Variants in PRXL2A observed in about 807,000 individuals in gnomAD.
PRXL2A encodes the protein peroxiredoxin-like 2A.
PRXL2A carries 26 observed loss-of-function variants against 25.6 expected under a neutral mutation model. The ratio of observed to expected loss-of-function variants is 1.02; its 90% CI spans 0.74 to 1.41. The LOEUF is 1.41. Ranked by LOEUF, PRXL2A falls within the 40% of genes most tolerant of loss-of-function variation. The pLI, the probability that PRXL2A is intolerant of heterozygous loss-of-function variation, is 0.00. For missense variants in PRXL2A, 246 were observed against 273.9 expected (o/e 0.90, Z 0.72); for synonymous variants, 98 against 102.9 (o/e 0.95, Z 0.29).
In PRXL2A at chr10:80,425,922, C is replaced by T. The variant is rs767436522; in HGVS notation, c.327C>T (p.Leu109=). The T allele has an allele frequency of 6.2e-6, 10 of 1,614,248 alleles. No homozygotes were observed. In the South Asian group the frequency reaches 7.7e-5, roughly 12 times the overall value. Residue 109 remains leucine, a synonymous_variant, in exon 4 of 6, where the codon CTC becomes CTT. Coordinates refer to ENST00000606162, the MANE Select transcript of PRXL2A (RefSeq NM_032333.5). ...TGTTGGACCAGCTGGGCGTCCCCCT[C>T]TATGCAGTGGTAAAGGAGCACATCA... ...KSMLDQLGVP[L]YAVVKEHIRT...
chr10:80,410,619 A>G (rs1272871404), intron 1 of PRXL2A, among the ~76,000 whole-genome samples: 1 of 152,256 alleles, frequency 6.6e-6, no homozygotes, highest in Admixed American at 6.5e-5. Context: ...TGCTCTTCTT[A>G]TATAATCTTT....
At position 80,432,892 on chromosome 10, in the gene PRXL2A, A is replaced by G. The variant is rs890812575; in HGVS notation, c.*793A>G. 3.3e-5 allele frequency: 5 copies of G among 152,340 alleles called. No homozygotes were observed. The highest frequency in any genetic ancestry group is 7.3e-5 in the Non-Finnish European group (5 of 68,038). 9.4% of individuals were successfully genotyped at this position (152,340 alleles called of 1,614,324 possible). The stretch of plus-strand genomic sequence containing the variant: ...GGATAGTTTGACAAAGGTAAATTAT[A>G]AAGTGAAATCTCTTGTTTCATTATC... On this transcript the variant is annotated 3_prime_UTR_variant, in exon 6 of 6. Coordinates refer to ENST00000606162, the MANE Select transcript of PRXL2A (RefSeq NM_032333.5).
intron 1 of PRXL2A, chr10:80,413,678 A>T: frequency 5.6e-6 from 1 of 180,010 alleles, no homozygotes; most frequent in Non-Finnish European, 1.1e-5. Context: ...CTTTCCATTT[A>T]GATGTTTTCT....
At chr10:80,420,318 C>T in intron 1 of PRXL2A, 148 bp from the exon 2 acceptor site, 1 of 1,408,656 alleles carries the variant, frequency 7.1e-7, no homozygotes, top group Non-Finnish European at 9.2e-7. Flanking sequence ...GCTTAGCAGC[C>T]CTTGTCCAGT....
At chr10:80,410,742 T>C (rs186971550) in intron 1 of PRXL2A, among the ~76,000 whole-genome samples, 1 of 152,222 alleles carries the variant, frequency 6.6e-6, no homozygotes, top group Non-Finnish European at 1.5e-5. Context: ...TTTAGCCCAG[T>C]GTCTTCTGTG....
intron 4 of PRXL2A, among the ~76,000 whole-genome samples, chr10:80,426,756 C>A (rs1472137143): frequency 6.6e-6 from 1 of 152,166 alleles, no homozygotes; most frequent in Non-Finnish European, 1.5e-5. Context: ...AAGGTAGAGT[C>A]AGAATTGAAA....
At chr10:80,421,046 G>A (rs540098521) in intron 2 of PRXL2A, among the ~76,000 whole-genome samples, 9 of 152,278 alleles carry the variant, frequency 5.9e-5, no homozygotes, top group South Asian at 4.2e-4. Context: ...TTGTGGGATC[G>A]TCAAACTAAA....
chr10:80,419,942 C>T (rs1328745718), intron 1 of PRXL2A: 18 of 983,530 alleles, frequency 1.8e-5, no homozygotes, highest in Non-Finnish European at 2.1e-5. Context: ...TTTGGAGGGT[C>T]GTCAAACTAA....
At chr10:80,417,869 C>T (rs1844722194) in intron 1 of PRXL2A, among the ~76,000 whole-genome samples, 2 of 151,594 alleles carry the variant, frequency 1.3e-5, no homozygotes, top group South Asian at 4.2e-4. Flanking sequence ...AGGCGTGTGC[C>T]ACCATGCCCA....
intron 4 of PRXL2A, among the ~76,000 whole-genome samples, chr10:80,426,908 C>T (rs1378440636): frequency 3.3e-5 from 5 of 151,988 alleles, no homozygotes; most frequent in Non-Finnish European, 7.4e-5. Context: ...CTTTGGGAGG[C>T]CGAGGTGGGC....
At chr10:80,412,475 G>A (rs962396821) in intron 1 of PRXL2A, among the ~76,000 whole-genome samples, 5 of 152,200 alleles carry the variant, frequency 3.3e-5, no homozygotes, top group Non-Finnish European at 7.3e-5. Context: ...ACCAGGATCT[G>A]TGTTGAGTGC....
chr10:80,422,846 T>A (rs74343237), intron 3 of PRXL2A, among the ~76,000 whole-genome samples: 1,721 of 152,208 alleles, frequency 0.011, 34 homozygotes, highest in African/African-American at 0.039. Context: ...AGCACAGATA[T>A]ATGATGTGCC....
intron 1 of PRXL2A, chr10:80,408,892 G>T: frequency 3.7e-6 from 1 of 271,814 alleles, no homozygotes; most frequent in Non-Finnish European, 5.6e-6. Context: ...AGACGTCGGA[G>T]AACGGAGACG....
chr10:80,427,484 A>T lies in PRXL2A; in HGVS notation c.564A>T (p.Gly188=), dbSNP rs773728234. Residue 188 remains glycine (G), a synonymous_variant, in exon 5 of 6, where the codon GGA becomes GGT. Transcript: ENST00000606162. The stretch of plus-strand genomic sequence containing the variant: ...TCCTTGGGGGAGTTTTCGTGGTGGG[A>T]TCAGGAAAGCAGGTGAGTTCTTGGT... The part of the protein sequence containing the change: ...GFILGGVFVV[G]SGKQGILLEH... The T allele has an allele frequency of 6.8e-5, 109 of 1,614,008 alleles. No individual in the cohort carries two copies. Among genetic ancestry groups the T allele is most frequent in the Non-Finnish European group, 8.8e-5 (104 of 1,180,010 alleles).
chr10:80,432,018 T>G lies in PRXL2A; in HGVS notation c.609T>G (p.Phe203Leu). 6.2e-7 allele frequency: 1 copy of G among 1,611,874 alleles called. No individual in the cohort carries two copies. The highest frequency in any genetic ancestry group is 2.2e-5 in the East Asian group (1 of 44,826). The change falls in exon 6 of 6, where the codon TTT (phenylalanine) becomes TTG (leucine). Residue 203 changes from phenylalanine (F) to leucine (L), a missense_variant. Coordinates refer to ENST00000606162, the MANE Select transcript of PRXL2A (RefSeq NM_032333.5). ...TTCTTGAGCACCGAGAAAAAGAATT[T>G]GGAGACAAAGTAAACCTACTTTCTG... ...GILLEHREKE[F>L]GDKVNLLSVL...
At chr10:80,417,475 C>T (rs1408237444) in intron 1 of PRXL2A, among the ~76,000 whole-genome samples, 1 of 152,062 alleles carries the variant, frequency 6.6e-6, no homozygotes, top group Non-Finnish European at 1.5e-5. Context: ...TCTGGCTTTC[C>T]CAGCTAGAAA....
At chr10:80,416,600 T>C (rs1196951931) in intron 1 of PRXL2A, among the ~76,000 whole-genome samples, 1 of 151,940 alleles carries the variant, frequency 6.6e-6, no homozygotes, top group Non-Finnish European at 1.5e-5. Flanking sequence ...GGCAGAGGGG[T>C]AGAGATGTGT....
intron 2 of PRXL2A, among the ~76,000 whole-genome samples, chr10:80,421,459 G>A (rs1398595901): frequency 6.6e-6 from 1 of 152,190 alleles, no homozygotes; most frequent in Middle Eastern, 3.2e-3. Context: ...CCCCCAGGTG[G>A]AAGTCATCGT....
chr10:80,415,872 T>G (rs1844642724), intron 1 of PRXL2A, among the ~76,000 whole-genome samples: 2 of 152,170 alleles, frequency 1.3e-5, no homozygotes, highest in Middle Eastern at 3.2e-3. Flanking sequence ...TGGAGCTGAC[T>G]GTGAGGGGCC....
Sources: gnomAD v4.1 joint callset for allele counts (sites outside exome capture counted in the v4.1 genomes callset) on GRCh38, gnomAD v4.1.1 for gene constraint, MANE v1.5 for transcripts, NCBI Gene and HGNC (gene_info 2026-07-23, HGNC 2026-07-21) for gene names.